The following STX7 variants were observed in gnomAD, a reference collection of about 807,000 sequenced individuals.
The protein encoded by STX7 is syntaxin 7.
Under a neutral mutation model 39.6 loss-of-function variants are expected in STX7, and 34 were observed. That is an observed-to-expected ratio of 0.86 (90% CI 0.65 to 1.14). The LOEUF (loss-of-function observed/expected upper bound fraction) is 1.14, where lower values mean the gene tolerates loss of function less well. STX7 is among the 50% of genes most tolerant of loss of function. STX7 has a pLI of 0.00. For synonymous variants in STX7, 119 were observed against 99.1 expected, an observed-to-expected ratio of 1.20 and a Z score of -1.19; for missense variants, 284 against 310.4, an observed-to-expected ratio of 0.92 and a Z score of 0.64.
chr6:132,491,255 A>T (rs905659543), intron 2 of STX7, among the ~76,000 whole-genome samples: 5 of 151,888 alleles, frequency 3.3e-5, no homozygotes, highest in African/African-American at 1.2e-4. Flanking sequence ...ATACCCCAAA[A>T]TACCCACAGG....
chr6:132,470,647 A>G, intron 5 of STX7, 21 bp from the exon 6 acceptor site: 2 of 1,597,596 alleles, frequency 1.3e-6, no homozygotes, highest in East Asian at 4.5e-5. Flanking sequence ...TAGTAACAGG[A>G]TGGAATGAGA....
At chr6:132,508,701 G>C (rs963185066) in intron 1 of STX7, among the ~76,000 whole-genome samples, 2 of 151,838 alleles carry the variant, frequency 1.3e-5, no homozygotes, top group Admixed American at 1.3e-4. Context: ...TATAGAGATG[G>C]GGGTCTCACT....
chr6:132,464,818 C>T (rs546298492), intron 8 of STX7, among the ~76,000 whole-genome samples: 1 of 152,282 alleles, frequency 6.6e-6, no homozygotes, highest in East Asian at 1.9e-4. Flanking sequence ...TAAAATCTAG[C>T]CCTCACCGAG....
intron 2 of STX7, among the ~76,000 whole-genome samples, chr6:132,503,206 T>G (rs190777184): frequency 6.0e-4 from 91 of 152,360 alleles, no homozygotes; most frequent in African/African-American, 2.0e-3. Flanking sequence ...AAATCTTTAT[T>G]TTATTTAATG....
At chr6:132,475,766 G>A in intron 2 of STX7, 104 bp from the exon 3 acceptor site, 5 of 491,648 alleles carry the variant, frequency 1.0e-5, no homozygotes, top group East Asian at 7.4e-5. Context: ...AAAAGAGACA[G>A]AAAAACAAAG....
intron 9 of STX7, among the ~76,000 whole-genome samples, chr6:132,462,548 C>G (rs1243143211): frequency 1.3e-5 from 2 of 150,852 alleles, no homozygotes; most frequent in African/African-American, 4.9e-5. Context: ...CAGTTATATG[C>G]TAACAGCTCC....
At chr6:132,507,957 G>A (rs1193684236) in intron 1 of STX7, among the ~76,000 whole-genome samples, 1 of 152,196 alleles carries the variant, frequency 6.6e-6, no homozygotes, top group Non-Finnish European at 1.5e-5. Flanking sequence ...TGTCTGTGAA[G>A]CTACAAGAAC....
chr6:132,462,669 T>C (rs890336497), intron 9 of STX7, among the ~76,000 whole-genome samples: 13 of 151,536 alleles, frequency 8.6e-5, no homozygotes, highest in African/African-American at 2.9e-4. Context: ...CACAGTGATA[T>C]AGTGATATTA....
chr6:132,511,329 T>C (rs1775842489), intron 1 of STX7, among the ~76,000 whole-genome samples: 1 of 152,150 alleles, frequency 6.6e-6, no homozygotes, highest in South Asian at 2.1e-4. Context: ...GCTCTTCCCA[T>C]GATCTCCACG....
In STX7 at chr6:132,449,086, C is replaced by T. The variant is rs1348117016; in HGVS notation, c.*11672G>A. 6.6e-6 allele frequency: 1 copy of T among 151,908 alleles called. No individual in the cohort carries two copies. The highest frequency in any genetic ancestry group is 1.5e-5 in the Non-Finnish European group (1 of 68,206). The allele number at this position is 151,908 out of a possible 1,614,324, so 9.4% of individuals were successfully genotyped here. A position where few individuals can be genotyped will look rare whatever the true frequency, so the allele number is the denominator to read the frequency against. On this transcript the variant is annotated 3_prime_UTR_variant, in exon 10 of 10. Coordinates refer to ENST00000367941, the MANE Select transcript of STX7 (RefSeq NM_003569.3). The stretch of plus-strand genomic sequence containing the variant: ...CACTGCAGCCTTGAACTCCTGGGCT[C>T]GTGTGATCCTCCCTCCTCAGCCTCT...
intron 2 of STX7, among the ~76,000 whole-genome samples, chr6:132,487,202 T>G (rs1775157893): frequency 1.3e-5 from 2 of 152,208 alleles, no homozygotes; most frequent in Admixed American, 6.5e-5. Flanking sequence ...TGAGTGAACT[T>G]TGATAATTTG....
intron 2 of STX7, among the ~76,000 whole-genome samples, chr6:132,490,899 G>T (rs939156679): frequency 1.2e-4 from 19 of 152,046 alleles, no homozygotes; most frequent in Non-Finnish European, 5.9e-5. Context: ...CAGGGATGGA[G>T]CGGGAAGCCC....
At chr6:132,498,137 T>C (rs1004425789) in intron 2 of STX7, among the ~76,000 whole-genome samples, 1 of 152,316 alleles carries the variant, frequency 6.6e-6, no homozygotes, top group South Asian at 2.1e-4. Context: ...CTTTCTCTCA[T>C]AGGATACAAA....
intron 2 of STX7, among the ~76,000 whole-genome samples, chr6:132,477,298 A>C (rs1425344911): frequency 6.6e-6 from 1 of 152,072 alleles, no homozygotes; most frequent in Non-Finnish European, 1.5e-5. Context: ...GAACTGCCTT[A>C]TAGGGGCTTT....
chr6:132,503,288 C>A (rs1338624386), intron 2 of STX7, among the ~76,000 whole-genome samples, 158 bp downstream of exon 2: 1 of 152,228 alleles, frequency 6.6e-6, no homozygotes, highest in African/African-American at 2.4e-5. Flanking sequence ...AAATATAATT[C>A]TCTTGCATTC....
chr6:132,486,853 G>A (rs547763873), intron 2 of STX7, among the ~76,000 whole-genome samples: 1 of 152,060 alleles, frequency 6.6e-6, no homozygotes, highest in South Asian at 2.1e-4. Flanking sequence ...TTTTAGTAGA[G>A]ACAGAGTTTC....
intron 2 of STX7, among the ~76,000 whole-genome samples, chr6:132,493,069 T>C (rs979819867): frequency 2.0e-5 from 3 of 152,132 alleles, no homozygotes; most frequent in Non-Finnish European, 4.4e-5. Context: ...TCTGTGGGCA[T>C]TTTCTTTGAC....
At position 132,457,056 on chromosome 6, in the gene STX7, C is replaced by G. The variant is rs574876095; in HGVS notation, c.*3702G>C. 1.3e-5 allele frequency: 2 copies of G among 152,296 alleles called. No homozygotes were observed. The highest frequency in any genetic ancestry group is 4.8e-5 in the African/African-American group (2 of 41,472). The allele number at this position is 152,296 out of a possible 1,614,324, so 9.4% of individuals were successfully genotyped here. Reference sequence around the variant, plus strand: ...TGAGACACACTGTCAGTGCTGCACGCCAACAGCACAGCCTTCTGGATGTTC... The same window carrying G: ...TGAGACACACTGTCAGTGCTGCACGGCAACAGCACAGCCTTCTGGATGTTC... On this transcript the variant is annotated 3_prime_UTR_variant, in exon 10 of 10. Transcript: ENST00000367941.
intron 1 of STX7, among the ~76,000 whole-genome samples, chr6:132,512,730 G>T (rs1395055216): frequency 6.6e-6 from 1 of 152,156 alleles, no homozygotes; most frequent in African/African-American, 2.4e-5. Context: ...AGGGGACCGC[G>T]GCGGGTGCGT....
Sources: allele counts gnomAD v4.1 joint callset (sites outside exome capture counted in the v4.1 genomes callset), GRCh38; gene constraint gnomAD v4.1.1; transcripts MANE v1.5; gene names NCBI Gene and HGNC (gene_info 2026-07-23, HGNC 2026-07-21).